PTS: variants seen among roughly 807,000 people sequenced by gnomAD.
PTS encodes 6-pyruvoyl tetrahydrobiopterin synthase.
A neutral mutation model predicts 20.6 loss-of-function variants in PTS; 23 were observed. The ratio of observed to expected loss-of-function variants is 1.12; its 90% confidence interval spans 0.80 to 1.58. The LOEUF (loss-of-function observed/expected upper bound fraction) is 1.58. Ranked by LOEUF, PTS falls within the 40% of genes most tolerant of loss-of-function variation. PTS has a pLI of 0.00. For synonymous variants in PTS, 65 were observed against 62.5 expected (o/e 1.04, Z -0.19); for missense variants, 186 against 182.4 (o/e 1.02, Z -0.11).
intron 4 of PTS, among the ~76,000 whole-genome samples, chr11:112,231,063 T>C (rs1859925293): frequency 6.6e-6 from 1 of 151,922 alleles, no homozygotes; most frequent in Non-Finnish European, 1.5e-5. Flanking sequence ...ATGCAAACTT[T>C]TCTTTTTGGT....
chr11:112,233,046 T>G lies in PTS; in HGVS notation c.244-117T>G. On this transcript the variant is annotated intron_variant, in intron 4 of 5. Transcript: ENST00000280362. ...CCTTGTAAGACTCAAATCTAGTACT[T>G]ACAAATATTTAGTTAGTGGCTAAGT... The G allele has an allele frequency of 2.9e-6, 3 of 1,019,534 alleles. No individual in the cohort carries two copies. In the South Asian group the frequency reaches 3.8e-5, roughly 13 times the overall value. 63.2% of individuals were successfully genotyped at this position (1,019,534 alleles called of 1,614,324 possible). A position where few individuals can be genotyped will look rare whatever the true frequency, so the allele number is the denominator to read the frequency against.
At position 112,233,243 on chromosome 11, in the gene PTS, A is replaced by G; in HGVS notation, c.314+10A>G. 1 of 1,611,080 alleles carries G rather than the reference A, an allele frequency of 6.2e-7. No homozygotes were observed. Among genetic ancestry groups the G allele is most frequent in the Non-Finnish European group, 8.5e-7 (1 of 1,177,212 alleles). Reference sequence around the variant, plus strand: ...TTGCAGATGTGGTGAGGTGGGTGGCACTGTATCTTGCCTTATGTGGATTGT... The same window carrying G: ...TTGCAGATGTGGTGAGGTGGGTGGCGCTGTATCTTGCCTTATGTGGATTGT... On this transcript the variant is annotated intron_variant, in intron 5 of 5. Coordinates refer to ENST00000280362, the MANE Select transcript of PTS (RefSeq NM_000317.3).
chr11:112,230,896 C>T (rs907761933), intron 4 of PTS, among the ~76,000 whole-genome samples: 19 of 152,102 alleles, frequency 1.2e-4, no homozygotes, highest in African/African-American at 3.6e-4. Context: ...TGTGTTACAG[C>T]GATGGGAGGA....
intron 5 of PTS, 28 bp from the exon 6 acceptor site, chr11:112,233,404 T>G (rs778547514): frequency 6.3e-7 from 1 of 1,584,258 alleles, no homozygotes; most frequent in Non-Finnish European, 8.6e-7. Context: ...TTTTGAATTT[T>G]TTTTGTTTTT....
intron 1 of PTS, 118 bp downstream of exon 1, chr11:112,226,644 G>A: frequency 2.7e-6 from 2 of 740,294 alleles, no homozygotes; most frequent in Non-Finnish European, 1.9e-6. Context: ...GGGCTGCTGG[G>A]GCGACGCGCG....
At position 112,228,639 on chromosome 11, in the gene PTS, C is replaced by T. The variant is rs767304795; in HGVS notation, c.129C>T (p.Cys43=). 4 of 1,608,688 alleles carry T rather than the reference C, an allele frequency of 2.5e-6. No homozygotes were observed. The East Asian group carries it at 6.7e-5, about 27-fold the overall frequency. Residue 43 remains cysteine (C), a synonymous_variant, in exon 2 of 6, where the codon TGC becomes TGT. Coordinates refer to ENST00000280362, the MANE Select transcript of PTS (RefSeq NM_000317.3). ...AAAACTTGAAACTGTTTGGGAAATG[C>T]AACAATCCAAATGGCCATGGGCACA... ...DEENLKLFGK[C]NNPNGHGHNY...
chr11:112,229,582 G>A (rs1217395993), intron 2 of PTS: 1 of 153,534 alleles, frequency 6.5e-6, no homozygotes, highest in South Asian at 2.0e-4. Context: ...AGTAGAGATG[G>A]GGTTTCACCA....
At chr11:112,229,309 A>G (rs747612627) in intron 2 of PTS, 1 of 153,514 alleles carries the variant, frequency 6.5e-6, no homozygotes, top group Non-Finnish European at 1.4e-5. Context: ...CTTACATGTA[A>G]TATCTAATGG....
intron 1 of PTS, among the ~76,000 whole-genome samples, chr11:112,227,124 C>T (rs529032596): frequency 6.6e-6 from 1 of 151,850 alleles, no homozygotes; most frequent in South Asian, 2.1e-4. Flanking sequence ...GATTTGAATC[C>T]CGATCATACA....
chr11:112,226,614 C>T (rs897333590), intron 1 of PTS, 88 bp downstream of exon 1: 6 of 1,245,258 alleles, frequency 4.8e-6, no homozygotes, highest in Non-Finnish European at 6.4e-6. Flanking sequence ...GTGCTGACGT[C>T]GGGCCCGGGA....
intron 4 of PTS, among the ~76,000 whole-genome samples, chr11:112,231,718 G>A (rs1234807907): frequency 6.6e-6 from 1 of 151,940 alleles, no homozygotes; most frequent in Non-Finnish European, 1.5e-5. Context: ...TTTTCTAGGA[G>A]GTGAAGAATA....
chr11:112,232,991 T>C (rs1859960474), intron 4 of PTS, among the ~76,000 whole-genome samples, 172 bp from the exon 5 acceptor site: 1 of 152,258 alleles, frequency 6.6e-6, no homozygotes, highest in Admixed American at 6.5e-5. Context: ...GGCCTGACTT[T>C]ATTTTACAAC....
chr11:112,231,979 AAG>A (rs1190804731), intron 4 of PTS, among the ~76,000 whole-genome samples: 12 of 150,478 alleles, frequency 8.0e-5, no homozygotes, highest in Non-Finnish European at 1.5e-4. Flanking sequence ...AAAGAAAAGA[AAG>A]AAAAGAGACA....
intron 1 of PTS, among the ~76,000 whole-genome samples, chr11:112,227,646 C>G (rs950324093): frequency 3.9e-5 from 6 of 151,976 alleles, no homozygotes; most frequent in Admixed American, 2.6e-4. Flanking sequence ...AGTGAGGGAG[C>G]AAGAGAGAGG....
Position 112,230,193 on chromosome 11 carries a change from GTT to G in PTS, c.164-12_164-11del, listed in dbSNP as rs1859912701. Reference sequence around the variant, plus strand: ...AGTCATGCTGTTTTTTTTGTATTTTGTTTTCTTTCCATAGTTGTGGTGACAGT... The same window carrying G: ...AGTCATGCTGTTTTTTTTGTATTTTGTTCTTTCCATAGTTGTGGTGACAGT... On this transcript the variant is annotated splice_polypyrimidine_tract_variant and intron_variant, in intron 2 of 5. Transcript: ENST00000280362. The G allele has an allele frequency of 1.2e-6, 2 of 1,611,362 alleles. No individual in the cohort carries two copies. The highest frequency in any genetic ancestry group is 2.7e-5 in the African/African-American group (2 of 74,806).
chr11:112,233,971 A>G lies in PTS; in HGVS notation c.*416A>G, dbSNP rs577889332. The G allele has an allele frequency of 5.6e-5, 9 of 161,798 alleles. No homozygotes were observed. Among genetic ancestry groups the G allele is most frequent in the Admixed American group, 1.8e-4 (3 of 16,896 alleles). The allele number at this position is 161,798 out of a possible 1,614,324, so 10.0% of individuals were successfully genotyped here. A position where few individuals can be genotyped will look rare whatever the true frequency, so the allele number is the denominator to read the frequency against. ...AAAGAAATAAAATTCAAGTGACCAC[A>G]AAGTCTGGAGACAATATATATATGT... On this transcript the variant is annotated 3_prime_UTR_variant, in exon 6 of 6. Transcript: ENST00000280362.
intron 5 of PTS, 61 bp downstream of exon 5, chr11:112,233,294 T>C: frequency 1.3e-6 from 2 of 1,564,892 alleles, no homozygotes; most frequent in Admixed American, 1.7e-5. Context: ...TTGAATACTT[T>C]GATTGTTGTG....
At chr11:112,229,851 C>T (rs1165334894) in intron 2 of PTS, among the ~76,000 whole-genome samples, 3 of 152,194 alleles carry the variant, frequency 2.0e-5, no homozygotes, top group African/African-American at 7.2e-5. Context: ...TGCTGTGTAG[C>T]TGGACACCTG....
Position 112,226,716 on chromosome 11 carries a change from C to A in PTS, c.83+190C>A, listed in dbSNP as rs531542925. Reference sequence around the variant, plus strand: ...ATCCTGATGGGGGCTGGAGTGTCCCCAGCCCTGGAGGGGTGGGGGAGCTTG... The same window carrying A: ...ATCCTGATGGGGGCTGGAGTGTCCCAAGCCCTGGAGGGGTGGGGGAGCTTG... On this transcript the variant is annotated intron_variant, in intron 1 of 5. Transcript: ENST00000280362. Among the ~76,000 whole-genome samples, 473 of 151,952 alleles carry A rather than the reference C, an allele frequency of 3.1e-3. 2 individuals are homozygous for A. Among genetic ancestry groups the A allele is most frequent in the African/African-American group, 0.011 (456 of 41,474 alleles).
Sources: gnomAD v4.1 joint callset for allele counts (sites outside exome capture counted in the v4.1 genomes callset) on GRCh38, gnomAD v4.1.1 for gene constraint, MANE v1.5 for transcripts, NCBI Gene and HGNC (gene_info 2026-07-23, HGNC 2026-07-21) for gene names.